BPIFB3: variants seen among roughly 807,000 people sequenced by gnomAD.
The protein encoded by BPIFB3 is BPI fold containing family B member 3.
BPIFB3 carries 49 observed loss-of-function variants against 53.1 expected under a neutral mutation model. That is an observed-to-expected ratio of 0.92 (90% confidence interval 0.73 to 1.17). BPIFB3 has a LOEUF of 1.17. Among genes scored for constraint, BPIFB3 ranks in the 50% most tolerant of loss-of-function variants. The pLI, the probability that BPIFB3 is intolerant of heterozygous loss-of-function variation, is 0.00. For missense variants in BPIFB3, 628 were observed against 592.5 expected, an observed-to-expected ratio of 1.06 and a Z score of -0.62; for synonymous variants, 271 against 269.6, an observed-to-expected ratio of 1.01 and a Z score of -0.05.
At chr20:33,069,438 C>A (rs1980798033) in intron 10 of BPIFB3, among the ~76,000 whole-genome samples, 2 of 152,208 alleles carry the variant, frequency 1.3e-5, no homozygotes, top group Non-Finnish European at 2.9e-5. Context: ...CTGCCCCATC[C>A]TTGCCTTGCC....
chr20:33,060,248 C>G (rs1300790002), intron 4 of BPIFB3, among the ~76,000 whole-genome samples: 1 of 152,236 alleles, frequency 6.6e-6, no homozygotes, highest in African/African-American at 2.4e-5. Context: ...GTGCCACCCA[C>G]TCCTGGGCAA....
At chr20:33,062,458 C>A (rs964850757) in intron 5 of BPIFB3, among the ~76,000 whole-genome samples, 1 of 152,108 alleles carries the variant, frequency 6.6e-6, no homozygotes, top group Non-Finnish European at 1.5e-5. Flanking sequence ...AGAATGGGAG[C>A]CTAGGGTTGG....
chr20:33,059,278 G>T (rs1980340690), intron 2 of BPIFB3, 100 bp from the exon 4 acceptor site: 1 of 790,062 alleles, frequency 1.3e-6, no homozygotes, highest in Non-Finnish European at 2.1e-6. Context: ...GGCTCTGTGG[G>T]TTTGAGGTGA....
Position 33,063,194 on chromosome 20 carries a change from G to C in BPIFB3, c.592-421G>C, listed in dbSNP as rs188533545. On this transcript the variant is annotated intron_variant, in intron 5 of 14. Transcript: ENST00000375494. ...TGACTCTCTGGGTGGAGGAGAGGAGGTGCCCCTCTGTGGGGTCTTGATCCT... is the reference window on the plus strand; with the variant it reads ...TGACTCTCTGGGTGGAGGAGAGGAGCTGCCCCTCTGTGGGGTCTTGATCCT... Among the ~76,000 whole-genome samples the C allele has an allele frequency of 6.6e-5, 10 of 152,324 alleles. No homozygotes were observed. The East Asian group carries it at 1.9e-3, about 29-fold the overall frequency.
At chr20:33,070,430 A>G (rs1980837315) in intron 11 of BPIFB3, among the ~76,000 whole-genome samples, 1 of 152,178 alleles carries the variant, frequency 6.6e-6, no homozygotes, top group Admixed American at 6.5e-5. Flanking sequence ...ACAGTCCTTC[A>G]TCTACACGCA....
chr20:33,064,365 C>A, intron 6 of BPIFB3, 92 bp from the exon 8 acceptor site: 2 of 1,007,838 alleles, frequency 2.0e-6, no homozygotes, highest in Non-Finnish European at 1.5e-6. Flanking sequence ...GAGTGCTAGG[C>A]ATTCAGCAGA....
intron 6 of BPIFB3, among the ~76,000 whole-genome samples, chr20:33,064,253 C>T (rs901398255): frequency 5.9e-5 from 9 of 152,196 alleles, no homozygotes. Flanking sequence ...GTTTTGAACA[C>T]CGTGACTGTG....
intron 9 of BPIFB3, among the ~76,000 whole-genome samples, chr20:33,067,658 C>T (rs1397186463): frequency 6.6e-6 from 1 of 152,194 alleles, no homozygotes; most frequent in African/African-American, 2.4e-5. Context: ...TCAGAAGAAC[C>T]TCCAGAGAGT....
intron 9 of BPIFB3, 92 bp downstream of exon 10, chr20:33,066,969 G>C (rs1980696209): frequency 3.7e-6 from 5 of 1,337,060 alleles, no homozygotes; most frequent in Non-Finnish European, 5.3e-6. Context: ...AGCTCTCCAG[G>C]CAACTGCAAT....
At chr20:33,059,217 T>C (rs534947897) in intron 2 of BPIFB3, among the ~76,000 whole-genome samples, 161 bp from the exon 4 acceptor site, 2 of 152,050 alleles carry the variant, frequency 1.3e-5, no homozygotes, top group South Asian at 4.2e-4. Flanking sequence ...ACTTTACAGA[T>C]AAGGAAACTA....
At chr20:33,055,513 G>A (rs748485240) in exon 1 of BPIFB3, 32 of 1,613,478 alleles carry the variant, frequency 2.0e-5, no homozygotes, top group Admixed American at 5.0e-5. Context: ...CGGTGGGCAC[G>A]CTCGCTCGGA....
intron 12 of BPIFB3, among the ~76,000 whole-genome samples, chr20:33,071,694 G>T (rs927146387): frequency 6.6e-6 from 1 of 152,092 alleles, no homozygotes; most frequent in African/African-American, 2.4e-5. Context: ...ACAGAGTTCT[G>T]AGGTTCTGGA....
chr20:33,055,968 C>T (rs1002086819), intron 1 of BPIFB3, among the ~76,000 whole-genome samples: 5 of 152,156 alleles, frequency 3.3e-5, no homozygotes, highest in Non-Finnish European at 7.4e-5. Flanking sequence ...TGGTCATGAG[C>T]AGGAAATGCT....
exon 2 of BPIFB3, chr20:33,056,683 T>A: frequency 6.2e-7 from 1 of 1,602,300 alleles, no homozygotes; most frequent in Non-Finnish European, 8.5e-7. Context: ...TTTGGCGTTG[T>A]CGAGGAGCTC....
At chr20:33,055,388 A>G, upstream of BPIFB3, 1 of 1,608,374 alleles carries the variant, frequency 6.2e-7, no homozygotes. Context: ...GAGCAGGAGA[A>G]GGGTCTCAGA....
chr20:33,063,372 G>A (rs547254912), intron 5 of BPIFB3, among the ~76,000 whole-genome samples: 2 of 152,222 alleles, frequency 1.3e-5, no homozygotes, highest in South Asian at 2.1e-4. Flanking sequence ...CACCTTTAGG[G>A]GTTTTCTAAT....
At position 33,073,379 on chromosome 20, in the gene BPIFB3, C is replaced by A. The variant is rs1223900752; in HGVS notation, c.1402-197C>A. ...ATTAATAGCAGAAATGGCAGTTGAA[C>A]TTGAGTCTATTAAGTCCTCAAGTCA... On this transcript the variant is annotated intron_variant, in intron 14 of 14. Transcript: ENST00000375494. 1.3e-5 allele frequency among the ~76,000 whole-genome samples: 2 copies of A among 152,206 alleles called. 1 individual carries two copies.
exon 10 of BPIFB3, chr20:33,068,962 G>A (rs982697908): frequency 1.2e-6 from 2 of 1,613,532 alleles, no homozygotes; most frequent in African/African-American, 2.7e-5. Flanking sequence ...ATCCCTCTTT[G>A]AGCTGAACTC....
At chr20:33,061,973 G>C in intron 5 of BPIFB3, 142 bp downstream of exon 6, 2 of 991,290 alleles carry the variant, frequency 2.0e-6, no homozygotes, top group Non-Finnish European at 3.0e-6. Flanking sequence ...ATCCGGGCCT[G>C]CTGACCGGCC....
Sources: allele counts gnomAD v4.1 joint callset (sites outside exome capture counted in the v4.1 genomes callset), GRCh38; gene constraint gnomAD v4.1.1; transcripts MANE v1.5; gene names NCBI Gene and HGNC (gene_info 2026-07-23, HGNC 2026-07-21).